SPOCK3: variants seen among roughly 807,000 people sequenced by gnomAD.
SPOCK3 encodes the protein SPARC (osteonectin), cwcv and kazal like domains proteoglycan 3.
A neutral mutation model predicts 56.6 loss-of-function variants in SPOCK3; 30 were observed. That is an observed-to-expected ratio of 0.53 (90% CI 0.40 to 0.72). The LOEUF (loss-of-function observed/expected upper bound fraction) is 0.72, where lower values mean the gene tolerates loss of function less well. SPOCK3 is among the 30% of genes least tolerant of loss of function. The pLI is 0.00. For synonymous variants in SPOCK3, 196 were observed against 183.3 expected (o/e 1.07, Z -0.56); for missense variants, 527 against 530.0 (o/e 0.99, Z 0.06).
intron 3 of SPOCK3, among the ~76,000 whole-genome samples, chr4:167,008,754 C>T (rs1749711245): frequency 6.6e-6 from 1 of 151,956 alleles, no homozygotes; most frequent in Admixed American, 6.6e-5. Context: ...AATCAAATAC[C>T]ACATATTCTT....
chr4:166,836,097 T>G (rs1278762148), intron 6 of SPOCK3, among the ~76,000 whole-genome samples: 1 of 152,198 alleles, frequency 6.6e-6, no homozygotes, highest in Non-Finnish European at 1.5e-5. Context: ...AATATGAATC[T>G]TAGCGGAGTA....
intron 4 of SPOCK3, among the ~76,000 whole-genome samples, chr4:166,989,863 T>C (rs115984184): frequency 0.013 from 1,932 of 152,316 alleles, 19 homozygotes; most frequent in Non-Finnish European, 0.019. Flanking sequence ...ATTTCTTGGA[T>C]GATCATTCCT....
chr4:166,995,298 T>C (rs1283277006), intron 4 of SPOCK3, among the ~76,000 whole-genome samples: 1 of 151,866 alleles, frequency 6.6e-6, no homozygotes, highest in African/African-American at 2.4e-5. Context: ...TAAAGGAAAC[T>C]ATGAAGTTTA....
rs74535637 is a variant in SPOCK3, at chr4:167,041,163, T to C, written c.235+21329A>G. On this transcript the variant is annotated intron_variant, in intron 3 of 10. Coordinates refer to ENST00000357545, the MANE Select transcript of SPOCK3 (RefSeq NM_001040159.2). ...CTGTAGGATCATGGGCAAATTATTT[T>C]TCCTCATTGAATATCACTGTCTCTC... 2.9e-3 allele frequency among the ~76,000 whole-genome samples: 440 copies of C among 152,284 alleles called. 6 individuals carry two copies. In the East Asian group the frequency reaches 0.03, roughly 10 times the overall value.
intron 2 of SPOCK3, among the ~76,000 whole-genome samples, chr4:167,065,673 AAAAC>A (rs1216894816): frequency 3.3e-5 from 5 of 152,020 alleles, no homozygotes; most frequent in East Asian, 1.9e-4. Context: ...TCTTTAAATT[AAAAC>A]AAACAAACAA....
intron 2 of SPOCK3, among the ~76,000 whole-genome samples, chr4:167,156,158 T>C (rs925026676): frequency 2.6e-5 from 4 of 152,278 alleles, no homozygotes; most frequent in African/African-American, 7.2e-5. Flanking sequence ...TAACGCTAAG[T>C]CTTCACAATT....
chr4:167,054,264 T>G (rs1754547067), intron 3 of SPOCK3, among the ~76,000 whole-genome samples: 1 of 152,216 alleles, frequency 6.6e-6, no homozygotes, highest in Non-Finnish European at 1.5e-5. Flanking sequence ...TATCAATTTA[T>G]GACCACAAAC....
rs748340803 is a variant in SPOCK3, at chr4:166,761,895, TAAAAAAAA to T, written c.710-7174_710-7167del. Among the ~76,000 whole-genome samples, 21 of 103,434 alleles carry T rather than the reference TAAAAAAAA, an allele frequency of 2.0e-4. 5 individuals are homozygous for T. The highest frequency in any genetic ancestry group is 0.011 in the Middle Eastern group (2 of 176). 67.9% of individuals were successfully genotyped at this position (103,434 alleles called of 152,430 possible). A position where few individuals can be genotyped will look rare whatever the true frequency, so the allele number is the denominator to read the frequency against. ...ATGTACCCTAAAACTTAGAGTATAA[TAAAAAAAA>T]AAAAAAAAAAAAAAAAAAAGAGATT... On this transcript the variant is annotated intron_variant, in intron 7 of 10. Coordinates refer to ENST00000357545, the MANE Select transcript of SPOCK3 (RefSeq NM_001040159.2).
At chr4:166,905,092 A>AT (rs1027792884) in intron 5 of SPOCK3, among the ~76,000 whole-genome samples, 37 of 151,886 alleles carry the variant, frequency 2.4e-4, no homozygotes, top group Middle Eastern at 3.4e-3. Flanking sequence ...AAGTCTTGTA[A>AT]TTTTTTTTAA....
In SPOCK3 at chr4:166,855,126, C is replaced by T. The variant is rs148897539; in HGVS notation, c.589+34004G>A. 3.9e-3 allele frequency among the ~76,000 whole-genome samples: 587 copies of T among 152,206 alleles called. 3 individuals carry two copies. The highest frequency in any genetic ancestry group is 0.013 in the African/African-American group (546 of 41,546). On this transcript the variant is annotated intron_variant, in intron 6 of 10. Transcript: ENST00000357545. ...CAGACTTATACACTGTCAAAGAGAA[C>T]AGTGAAATTTGCTGTCAGTGAATTT...
At chr4:167,074,747 G>A (rs1580211255) in intron 2 of SPOCK3, among the ~76,000 whole-genome samples, 1 of 151,844 alleles carries the variant, frequency 6.6e-6, no homozygotes, top group African/African-American at 2.4e-5. Context: ...GGGAGGGCGA[G>A]GAGTTGCTGG....
At position 166,872,033 on chromosome 4, in the gene SPOCK3, C is replaced by T. The variant is rs1432328505; in HGVS notation, c.589+17097G>A. Reference sequence around the variant, plus strand: ...CTTTCTCTATCTAATAAAGGGCACACACACACACAAACACACAAACATACA... The same window carrying T: ...CTTTCTCTATCTAATAAAGGGCACATACACACACAAACACACAAACATACA... On this transcript the variant is annotated intron_variant, in intron 6 of 10. Transcript: ENST00000357545. Among the ~76,000 whole-genome samples, 8 of 105,862 alleles carry T rather than the reference C, an allele frequency of 7.6e-5. No individual in the cohort carries two copies. The South Asian group carries it at 3.3e-3, about 43-fold the overall frequency. 69.4% of individuals were successfully genotyped at this position (105,862 alleles called of 152,430 possible). A position where few individuals can be genotyped will look rare whatever the true frequency, so the allele number is the denominator to read the frequency against.
chr4:166,826,115 C>A (rs999158451), intron 6 of SPOCK3, among the ~76,000 whole-genome samples: 1 of 152,010 alleles, frequency 6.6e-6, no homozygotes, highest in Non-Finnish European at 1.5e-5. Flanking sequence ...ATTAGATAAG[C>A]AAAGACTGTT....
intron 6 of SPOCK3, among the ~76,000 whole-genome samples, chr4:166,842,210 G>C (rs899078144): frequency 1.1e-4 from 17 of 152,206 alleles, no homozygotes; most frequent in African/African-American, 4.1e-4. Flanking sequence ...AAAGAACAAA[G>C]CTTCCACGGT....
chr4:167,182,928 A>G lies in SPOCK3; in HGVS notation c.189+51057T>C, dbSNP rs78214916. ...CTCATATCCTGTCCATGGCATCATC[A>G]TTGACAAAGCAGGTGCCTATCCCTT... On this transcript the variant is annotated intron_variant, in intron 2 of 10. Coordinates refer to ENST00000357545, the MANE Select transcript of SPOCK3 (RefSeq NM_001040159.2). Among the ~76,000 whole-genome samples the G allele has an allele frequency of 4.6e-3, 695 of 152,256 alleles. 5 individuals are homozygous for G. Among genetic ancestry groups the G allele is most frequent in the Non-Finnish European group, 8.3e-3 (562 of 68,026 alleles).
chr4:166,776,984 T>C (rs1278474064), intron 7 of SPOCK3, among the ~76,000 whole-genome samples: 12 of 152,162 alleles, frequency 7.9e-5, no homozygotes, highest in Non-Finnish European at 4.4e-5. Flanking sequence ...CATTTTTAAC[T>C]GTGAAAAATG....
intron 2 of SPOCK3, among the ~76,000 whole-genome samples, chr4:167,101,442 C>G (rs1759637513): frequency 6.6e-6 from 1 of 152,092 alleles, no homozygotes; most frequent in South Asian, 2.1e-4. Context: ...TGATGACTTT[C>G]AGTCCTGGCC....
chr4:167,227,916 G>A (rs1580693887), intron 2 of SPOCK3, among the ~76,000 whole-genome samples: 1 of 152,042 alleles, frequency 6.6e-6, no homozygotes, highest in African/African-American at 2.4e-5. Context: ...TAGATAAAAA[G>A]TTTAAATATA....
chr4:166,802,948 T>C (rs544021202), intron 6 of SPOCK3, among the ~76,000 whole-genome samples: 1 of 152,220 alleles, frequency 6.6e-6, no homozygotes, highest in African/African-American at 2.4e-5. Context: ...GGAATTGTCA[T>C]AGAGGGACAG....
Sources: gnomAD v4.1 joint callset for allele counts (sites outside exome capture counted in the v4.1 genomes callset) on GRCh38, gnomAD v4.1.1 for gene constraint, MANE v1.5 for transcripts, NCBI Gene and HGNC (gene_info 2026-07-23, HGNC 2026-07-21) for gene names.